The following LGSN variants were observed in gnomAD, a reference collection of about 807,000 sequenced individuals.
LGSN encodes the protein lengsin, lens protein with glutamine synthetase domain.
In LGSN, 21 loss-of-function variants were observed where a neutral mutation model predicts 19.5. That is an observed-to-expected ratio of 1.07 (90% confidence interval 0.76 to 1.55). The LOEUF (loss-of-function observed/expected upper bound fraction) is 1.55. LGSN is among the 40% of genes most tolerant of loss of function. The probability of loss-of-function intolerance (pLI) is 0.00; values close to 1 mark genes in which losing one functional copy is unlikely to be tolerated. For missense variants in LGSN, 673 were observed against 608.5 expected (o/e 1.11, Z -1.12); for synonymous variants, 257 against 215.6 (o/e 1.19, Z -1.68).
At chr6:63,368,228 A>G in the LGSN span, among the ~76,000 whole-genome samples, 1 of 152,174 alleles carries the variant, frequency 6.6e-6, no homozygotes, top group Non-Finnish European at 1.5e-5. Flanking sequence ...GCATCTTACA[A>G]CAACCAGGAA....
At chr6:63,435,148 C>G in the LGSN span, among the ~76,000 whole-genome samples, 1 of 152,158 alleles carries the variant, frequency 6.6e-6, no homozygotes, top group African/African-American at 2.4e-5. Context: ...ATTGGCTGTG[C>G]AGGTGCAGAT....
At chr6:63,515,143 C>T in the LGSN span, among the ~76,000 whole-genome samples, 1 of 152,318 alleles carries the variant, frequency 6.6e-6, no homozygotes, top group East Asian at 1.9e-4. Context: ...GCCAGGACTA[C>T]AGGCAAGCAT....
chr6:63,487,806 C>A, the LGSN span, among the ~76,000 whole-genome samples: 1 of 152,110 alleles, frequency 6.6e-6, no homozygotes, highest in Non-Finnish European at 1.5e-5. Context: ...TGTGGTGAAA[C>A]CCCATCTCTA....
the LGSN span, among the ~76,000 whole-genome samples, chr6:63,561,077 G>T: frequency 6.6e-6 from 1 of 152,258 alleles, no homozygotes; most frequent in East Asian, 1.9e-4. Flanking sequence ...ATAATTGAAA[G>T]CTTGTTTGTT....
chr6:63,536,038 A>G, the LGSN span, among the ~76,000 whole-genome samples: 39 of 150,838 alleles, frequency 2.6e-4, no homozygotes, highest in African/African-American at 9.2e-4. Context: ...CTCCCAAAGT[A>G]CTGGGTTTAC....
chr6:63,498,094 T>C, the LGSN span, among the ~76,000 whole-genome samples: 4 of 151,774 alleles, frequency 2.6e-5, no homozygotes, highest in African/African-American at 9.7e-5. Context: ...AATTTTGTAT[T>C]TTTAGTAGAG....
At chr6:63,462,453 T>C in the LGSN span, among the ~76,000 whole-genome samples, 1 of 152,058 alleles carries the variant, frequency 6.6e-6, no homozygotes, top group African/African-American at 2.4e-5. Flanking sequence ...GGCAACATGA[T>C]GAAACCCTAT....
the LGSN span, among the ~76,000 whole-genome samples, chr6:63,330,091 G>C: frequency 6.6e-6 from 1 of 152,148 alleles, no homozygotes; most frequent in Non-Finnish European, 1.5e-5. Flanking sequence ...TCATCTGGTT[G>C]GGGCTTCTGA....
chr6:63,429,651 G>A, the LGSN span, among the ~76,000 whole-genome samples: 5 of 151,394 alleles, frequency 3.3e-5, no homozygotes, highest in East Asian at 1.9e-4. Flanking sequence ...CAGGAGAATC[G>A]CTTGAACCCA....
chr6:63,533,890 C>G, the LGSN span, among the ~76,000 whole-genome samples: 1 of 152,012 alleles, frequency 6.6e-6, no homozygotes, highest in Non-Finnish European at 1.5e-5. Context: ...GTCGTCCAAG[C>G]TGGAGTTCAG....
the LGSN span, among the ~76,000 whole-genome samples, chr6:63,383,233 G>T: frequency 6.6e-6 from 1 of 152,012 alleles, no homozygotes; most frequent in African/African-American, 2.4e-5. Flanking sequence ...AAAGTACTGG[G>T]ATTACAGGTA....
At chr6:63,335,306 A>G in the LGSN span, among the ~76,000 whole-genome samples, 1 of 152,154 alleles carries the variant, frequency 6.6e-6, no homozygotes, top group Non-Finnish European at 1.5e-5. Flanking sequence ...GTGAGACCTG[A>G]AACTATAAAA....
At chr6:63,335,062 G>A in the LGSN span, among the ~76,000 whole-genome samples, 1 of 148,940 alleles carries the variant, frequency 6.7e-6, no homozygotes, top group South Asian at 2.1e-4. Context: ...AGAATCACTT[G>A]AACTACTGGA....
At chr6:63,424,109 A>G in the LGSN span, among the ~76,000 whole-genome samples, 1 of 152,168 alleles carries the variant, frequency 6.6e-6, no homozygotes, top group African/African-American at 2.4e-5. Context: ...AAAATAAGAA[A>G]GAAGGCACAT....
At chr6:63,465,602 G>A in the LGSN span, among the ~76,000 whole-genome samples, 3 of 152,112 alleles carry the variant, frequency 2.0e-5, no homozygotes, top group Admixed American at 6.5e-5. Context: ...TTAGTTTATT[G>A]TTTACTGATG....
At chr6:63,439,361 T>C in the LGSN span, among the ~76,000 whole-genome samples, 2 of 151,686 alleles carry the variant, frequency 1.3e-5, no homozygotes, top group African/African-American at 4.8e-5. Flanking sequence ...ATAATAATAA[T>C]ACAATTAAAA....
At chr6:63,448,680 T>A in the LGSN span, among the ~76,000 whole-genome samples, 1 of 152,184 alleles carries the variant, frequency 6.6e-6, no homozygotes, top group Non-Finnish European at 1.5e-5. Context: ...ATTGTTGTTT[T>A]TGTAGTTTTC....
At chr6:63,518,947 T>G in the LGSN span, among the ~76,000 whole-genome samples, 1 of 152,188 alleles carries the variant, frequency 6.6e-6, no homozygotes, top group Admixed American at 6.5e-5. Context: ...TTCAGCAGGA[T>G]CTGGGTAGCA....
chr6:63,433,843 A>G, the LGSN span, among the ~76,000 whole-genome samples: 4 of 152,190 alleles, frequency 2.6e-5, no homozygotes, highest in African/African-American at 9.6e-5. Context: ...TCTAATATTT[A>G]AACAGTTTTA....
Sources: allele counts gnomAD v4.1 joint callset (sites outside exome capture counted in the v4.1 genomes callset), GRCh38; gene constraint gnomAD v4.1.1; transcripts MANE v1.5; gene names NCBI Gene and HGNC (gene_info 2026-07-23, HGNC 2026-07-21).